MAPKAP1: variants seen among roughly 807,000 people sequenced by gnomAD.
The protein encoded by MAPKAP1 is MAPK associated protein 1, also known as target of rapamycin complex 2 subunit MAPKAP1.
A neutral mutation model predicts 65.7 loss-of-function variants in MAPKAP1; 20 were observed. The observed-to-expected ratio is 0.30, with a 90% CI of 0.21 to 0.44. The LOEUF (loss-of-function observed/expected upper bound fraction) is 0.44, where lower values mean the gene tolerates loss of function less well. Among genes scored for constraint, MAPKAP1 ranks in the 20% least tolerant of loss-of-function variants. MAPKAP1 has a pLI of 1.00. For synonymous variants in MAPKAP1, 222 were observed against 244.3 expected (o/e 0.91, Z 0.85); for missense variants, 423 against 648.0 (o/e 0.65, Z 3.77).
At chr9:125,543,480 G>A (rs998613512) in intron 6 of MAPKAP1, among the ~76,000 whole-genome samples, 3 of 150,472 alleles carry the variant, frequency 2.0e-5, no homozygotes, top group African/African-American at 7.4e-5. Flanking sequence ...GTTTCACCAT[G>A]TTAGCCAGGA....
At chr9:125,614,972 CTA>C (rs1832705435) in intron 4 of MAPKAP1, among the ~76,000 whole-genome samples, 1 of 152,018 alleles carries the variant, frequency 6.6e-6, no homozygotes. Flanking sequence ...AGAAATAAAA[CTA>C]TCATTATTTG....
At chr9:125,560,561 G>A (rs1433887554) in intron 5 of MAPKAP1, among the ~76,000 whole-genome samples, 1 of 152,136 alleles carries the variant, frequency 6.6e-6, no homozygotes, top group East Asian at 1.9e-4. Context: ...TCCAGCCTGG[G>A]CAACAGAGTT....
intron 4 of MAPKAP1, chr9:125,596,337 T>C: frequency 1.3e-6 from 1 of 764,512 alleles, no homozygotes; most frequent in South Asian, 1.3e-5. Context: ...CTTCAGTGGT[T>C]GTGGTGCCTT....
chr9:125,465,766 A>AG (rs1463137452), intron 10 of MAPKAP1, among the ~76,000 whole-genome samples: 1 of 152,188 alleles, frequency 6.6e-6, no homozygotes, highest in African/African-American at 2.4e-5. Context: ...TACAGCACAA[A>AG]GGGGTATTCC....
rs545078173 is a variant in MAPKAP1, at chr9:125,506,556, G to A, written c.959-139C>T. ...TCTGTCTTGAGGGTCTAGCTATCCAGGATGGAAGTTTGGGGTTTCTTTTGC... is the reference window on the plus strand; with the variant it reads ...TCTGTCTTGAGGGTCTAGCTATCCAAGATGGAAGTTTGGGGTTTCTTTTGC... On this transcript the variant is annotated intron_variant, in intron 7 of 11. Transcript: ENST00000265960. The A allele has an allele frequency of 8.7e-6, 6 of 686,894 alleles. No homozygotes were observed. In the South Asian group the frequency reaches 1.1e-4, roughly 13 times the overall value. 42.5% of individuals were successfully genotyped at this position (686,894 alleles called of 1,614,324 possible).
chr9:125,630,003 A>C (rs1474854395), intron 4 of MAPKAP1, among the ~76,000 whole-genome samples: 1 of 152,214 alleles, frequency 6.6e-6, no homozygotes, highest in Non-Finnish European at 1.5e-5. Flanking sequence ...GTGGGGAAGT[A>C]GGATGGAAGT....
intron 4 of MAPKAP1, among the ~76,000 whole-genome samples, chr9:125,598,143 C>T (rs1296047128): frequency 6.6e-6 from 1 of 151,106 alleles, no homozygotes; most frequent in Non-Finnish European, 1.5e-5. Flanking sequence ...GCTTTATGGA[C>T]TCACAAAAAG....
At chr9:125,564,968 G>C (rs1023792926) in intron 5 of MAPKAP1, among the ~76,000 whole-genome samples, 6 of 152,144 alleles carry the variant, frequency 3.9e-5, no homozygotes, top group Admixed American at 3.9e-4. Context: ...GGCATAAAAA[G>C]AGCAGTACCT....
At chr9:125,451,279 T>A (rs1852938962) in intron 10 of MAPKAP1, among the ~76,000 whole-genome samples, 1 of 152,240 alleles carries the variant, frequency 6.6e-6, no homozygotes, top group Non-Finnish European at 1.5e-5. Flanking sequence ...CTGGCTTCCC[T>A]GGAGGCACGG....
intron 3 of MAPKAP1, among the ~76,000 whole-genome samples, chr9:125,664,343 G>A (rs569853295): frequency 2.1e-4 from 31 of 146,474 alleles, no homozygotes; most frequent in Non-Finnish European, 3.1e-4. Flanking sequence ...GTAAAACTCC[G>A]TCTCAAAAAA....
chr9:125,501,696 G>A (rs1403054542), intron 8 of MAPKAP1, among the ~76,000 whole-genome samples: 1 of 152,102 alleles, frequency 6.6e-6, no homozygotes, highest in Non-Finnish European at 1.5e-5. Context: ...AAATAGTTAT[G>A]AGAATATTCA....
At chr9:125,481,382 G>C (rs1854310649) in intron 9 of MAPKAP1, among the ~76,000 whole-genome samples, 1 of 152,192 alleles carries the variant, frequency 6.6e-6, no homozygotes, top group Admixed American at 6.5e-5. Context: ...CTGGGCCCTT[G>C]CTTTGACCCT....
Position 125,467,966 on chromosome 9 carries a change from A to T in MAPKAP1, c.1345+6T>A, listed in dbSNP as rs745652663. On this transcript the variant is annotated splice_donor_region_variant and intron_variant, in intron 10 of 11. Coordinates refer to ENST00000265960, the MANE Select transcript of MAPKAP1 (RefSeq NM_001006617.3). ...AAAGGAGACATAAATAAAAGGGACT[A>T]CTCACTGGGGCTTTTCTCTTCAGCA... 4 of 1,613,924 alleles carry T rather than the reference A, an allele frequency of 2.5e-6. No homozygotes were observed. Among genetic ancestry groups the T allele is most frequent in the Middle Eastern group, 1.6e-4 (1 of 6,062 alleles).
At chr9:125,681,882 C>T (rs1203937205) in intron 1 of MAPKAP1, among the ~76,000 whole-genome samples, 1 of 152,194 alleles carries the variant, frequency 6.6e-6, no homozygotes, top group Non-Finnish European at 1.5e-5. Context: ...GTGATCCTCC[C>T]ACCCCAGCCT....
At chr9:125,584,575 C>A (rs1351531849) in intron 5 of MAPKAP1, among the ~76,000 whole-genome samples, 1 of 152,080 alleles carries the variant, frequency 6.6e-6, no homozygotes, top group Non-Finnish European at 1.5e-5. Context: ...TACGGATGGC[C>A]ACCACCATGC....
chr9:125,591,357 C>G (rs1026906741), intron 4 of MAPKAP1, among the ~76,000 whole-genome samples: 1 of 152,174 alleles, frequency 6.6e-6, no homozygotes, highest in Non-Finnish European at 1.5e-5. Flanking sequence ...GAGATGGAGA[C>G]TCCAGGAAAC....
intron 4 of MAPKAP1, among the ~76,000 whole-genome samples, chr9:125,641,651 A>G (rs1320538079): frequency 6.6e-6 from 1 of 152,112 alleles, no homozygotes; most frequent in Non-Finnish European, 1.5e-5. Flanking sequence ...CACACCTGTA[A>G]TCCCAGGACT....
Position 125,659,813 on chromosome 9 carries a change from T to C in MAPKAP1, c.350-2014A>G, listed in dbSNP as rs117092913. 8.2e-3 allele frequency among the ~76,000 whole-genome samples: 1,247 copies of C among 152,200 alleles called. 9 individuals carry two copies. The highest frequency in any genetic ancestry group is 0.014 in the Non-Finnish European group (926 of 68,004). ...TTAAAATGTCTGTCTATATTCTTCC[T>C]GTCCAGTCCCTCTACTTCCATTCAA... On this transcript the variant is annotated intron_variant, in intron 3 of 11. Transcript: ENST00000265960.
chr9:125,464,204 T>TTTA (rs1554805633), intron 10 of MAPKAP1, among the ~76,000 whole-genome samples: 14 of 83,300 alleles, frequency 1.7e-4, no homozygotes, highest in Middle Eastern at 6.8e-3. Flanking sequence ...TCTCATATAT[T>TTTA]AAAAAAAAAA....
Sources: allele counts gnomAD v4.1 joint callset (sites outside exome capture counted in the v4.1 genomes callset), GRCh38; gene constraint gnomAD v4.1.1; transcripts MANE v1.5; gene names NCBI Gene and HGNC (gene_info 2026-07-23, HGNC 2026-07-21).